Variants in ZNF536 observed in about 807,000 individuals in gnomAD.
ZNF536 encodes the protein zinc finger protein 536.
Under a neutral mutation model 84.5 loss-of-function variants are expected in ZNF536, and 13 were observed. The ratio of observed to expected loss-of-function variants is 0.15; its 90% CI spans 0.10 to 0.24. The LOEUF (loss-of-function observed/expected upper bound fraction) is 0.24. Ranked by LOEUF, ZNF536 falls within the 10% of genes least tolerant of loss-of-function variation. The probability of loss-of-function intolerance (pLI) is 1.00; values close to 1 mark genes in which losing one functional copy is unlikely to be tolerated. For synonymous variants in ZNF536, 811 were observed against 742.5 expected (o/e 1.09, Z -1.50); for missense variants, 1,536 against 1,747.5 (o/e 0.88, Z 2.16).
intron 2 of ZNF536, among the ~76,000 whole-genome samples, chr19:30,480,678 C>A (rs2054043344): frequency 6.6e-6 from 1 of 152,086 alleles, no homozygotes; most frequent in African/African-American, 2.4e-5. Flanking sequence ...AACAAACCTG[C>A]ACGTTCTGCA....
chr19:30,682,835 G>A (rs1013059056), intron 1 of ZNF536, among the ~76,000 whole-genome samples: 4 of 152,296 alleles, frequency 2.6e-5, no homozygotes, highest in African/African-American at 9.6e-5. Flanking sequence ...TCTCTTTTTG[G>A]CACCAGCACC....
chr19:30,320,557 G>A (rs1392208928), intron 2 of ZNF536, among the ~76,000 whole-genome samples: 2 of 152,152 alleles, frequency 1.3e-5, no homozygotes, highest in African/African-American at 2.4e-5. Context: ...ATGAGGAACT[G>A]GGGTGGAGCA....
chr19:30,501,749 G>A (rs2054957992), intron 2 of ZNF536, among the ~76,000 whole-genome samples: 1 of 152,208 alleles, frequency 6.6e-6, no homozygotes, highest in Non-Finnish European at 1.5e-5. Context: ...CCACACAATG[G>A]CAGGGCATGA....
At chr19:30,458,857 G>A (rs546885590) in intron 2 of ZNF536, among the ~76,000 whole-genome samples, 2 of 152,130 alleles carry the variant, frequency 1.3e-5, no homozygotes, top group African/African-American at 4.8e-5. Flanking sequence ...TTTCCCGTGG[G>A]CCCCCCTTCC....
At chr19:30,538,448 T>G (rs1201681755) in intron 3 of ZNF536, among the ~76,000 whole-genome samples, 1 of 152,212 alleles carries the variant, frequency 6.6e-6, no homozygotes, top group African/African-American at 2.4e-5. Flanking sequence ...CTCTCCTTTT[T>G]CTCCCCACTG....
At chr19:30,258,532 G>A (rs535516854) in intron 1 of ZNF536, among the ~76,000 whole-genome samples, 24 of 152,276 alleles carry the variant, frequency 1.6e-4, no homozygotes, top group African/African-American at 5.8e-4. Flanking sequence ...ACTGTGTTAT[G>A]GAAGAGTGCT....
chr19:30,699,466 A>G (rs2051802597), intron 1 of ZNF536, among the ~76,000 whole-genome samples: 1 of 152,176 alleles, frequency 6.6e-6, no homozygotes. Flanking sequence ...ATCACAGGAA[A>G]TTTGAAACCT....
rs2145933634 is a variant in ZNF536 at position 30,534,895 on chromosome 19, T to C, written c.2219T>C (p.Leu740Pro). ...GRSAGVQQPA[L>P]LRDRSLGSAM... ...TCTGCCGGCGTCCAGCAACCAGCGC[T>C]GCTTCGCGACAGAAGCCTGGGCTCG... Residue 740 changes from leucine to proline, a missense_variant, in exon 3 of 5, where the codon CTG becomes CCG. By Grantham distance (98) the Leu-to-Pro change is moderately conservative. Coordinates refer to ENST00000355537, the MANE Select transcript of ZNF536 (RefSeq NM_014717.3). 6.2e-7 allele frequency: 1 copy of C among 1,613,952 alleles called. No individual in the cohort carries two copies. Among genetic ancestry groups the C allele is most frequent in the Non-Finnish European group, 8.5e-7 (1 of 1,179,890 alleles).
Position 30,445,085 on chromosome 19 carries a change from C to G in ZNF536, c.1523C>G (p.Ala508Gly), listed in dbSNP as rs1223055764. ...TCCAGCTGCATCGAGCGGCTGCAGG[C>G]GGCTGCCAAGGCTGCGGAGATGGAC... ...LKSSCIERLQAAAKAAEMDPV... is the reference protein window; with the variant it reads ...LKSSCIERLQGAAKAAEMDPV... The change falls in exon 2 of 5, where the codon GCG becomes GGG. Residue 508 changes from alanine (A) to glycine (G), a missense_variant. Coordinates refer to ENST00000355537, the MANE Select transcript of ZNF536 (RefSeq NM_014717.3). This position sits in a 1 kb window ranked among gnomAD's most constrained non-coding sequence, Gnocchi z 4.5. 1.2e-6 allele frequency: 2 copies of G among 1,613,378 alleles called. No individual in the cohort carries two copies. Among genetic ancestry groups the G allele is most frequent in the Non-Finnish European group, 1.7e-6 (2 of 1,180,044 alleles).
chr19:30,355,189 T>C (rs960851267), intron 3 of ZNF536, among the ~76,000 whole-genome samples: 1 of 152,034 alleles, frequency 6.6e-6, no homozygotes, highest in Non-Finnish European at 1.5e-5. Context: ...TGATGCATCA[T>C]GGAGCTTTTA....
rs773860709 is a variant in ZNF536 at position 30,548,391 on chromosome 19, T to C, written c.2772T>C (p.Ser924=). 20 of 1,614,194 alleles carry C rather than the reference T, an allele frequency of 1.2e-5. No homozygotes were observed. Among genetic ancestry groups the C allele is most frequent in the Non-Finnish European group, 1.7e-5 (20 of 1,180,028 alleles). ...FQGSLQAFMD[S]FVLSSLKKEK... ...GGTCCTTGCAAGCTTTCATGGACAGTTTTGTCCTCAGTTCCTTGAAGAAGG... is the reference window on the plus strand; with the variant it reads ...GGTCCTTGCAAGCTTTCATGGACAGCTTTGTCCTCAGTTCCTTGAAGAAGG... The change falls in exon 4 of 5, where the codon AGT becomes AGC. Residue 924 remains serine (S), a synonymous_variant. Transcript: ENST00000355537.
chr19:30,355,504 T>C (rs541225967), intron 3 of ZNF536, among the ~76,000 whole-genome samples: 1 of 152,212 alleles, frequency 6.6e-6, no homozygotes, highest in South Asian at 2.1e-4. Flanking sequence ...CCCCGTGCCT[T>C]AGCCTCCCAA....
intron 3 of ZNF536, among the ~76,000 whole-genome samples, chr19:30,545,017 G>T (rs1264237202): frequency 1.3e-5 from 2 of 152,088 alleles, no homozygotes; most frequent in African/African-American, 4.8e-5. Flanking sequence ...CACTTCAAAG[G>T]CACTTCCAAG....
At chr19:30,285,961 G>A (rs964503321) in intron 2 of ZNF536, among the ~76,000 whole-genome samples, 1 of 152,210 alleles carries the variant, frequency 6.6e-6, no homozygotes, top group Non-Finnish European at 1.5e-5. Context: ...TCCTGTCAGA[G>A]TTCCAGAGTT....
At position 30,398,388 on chromosome 19, in the gene ZNF536, CT is replaced by C. The variant is rs34335848; in HGVS notation, c.-3+25844del. ...CCTTTGGCATTGGCTTTTTCTTTTT[CT>C]TTTTTTTTTTTAAATTATAGTTTAA... On this transcript the variant is annotated intron_variant, in intron 1 of 4. Transcript: ENST00000355537. 1.7e-3 allele frequency among the ~76,000 whole-genome samples: 243 copies of C among 146,996 alleles called. 1 individual carries two copies. Among genetic ancestry groups the C allele is most frequent in the Middle Eastern group, 3.5e-3 (1 of 286 alleles).
intron 1 of ZNF536, among the ~76,000 whole-genome samples, chr19:30,269,407 G>C (rs531921062): frequency 1.3e-5 from 2 of 152,136 alleles, no homozygotes; most frequent in Non-Finnish European, 2.9e-5. Flanking sequence ...GGAGAGTTAC[G>C]TACAGGCAGG....
chr19:30,490,442 G>A (rs1421938320), intron 2 of ZNF536, among the ~76,000 whole-genome samples: 2 of 152,180 alleles, frequency 1.3e-5, no homozygotes, highest in Non-Finnish European at 2.9e-5. Context: ...GAACACAGGG[G>A]TCTGAGGAGG....
At chr19:30,242,791 C>A (rs1403260546) in intron 1 of ZNF536, among the ~76,000 whole-genome samples, 1 of 152,182 alleles carries the variant, frequency 6.6e-6, no homozygotes, top group Non-Finnish European at 1.5e-5. Flanking sequence ...TCATGCCTGG[C>A]CTTCCGATTC....
rs191051249 is a variant in ZNF536, at chr19:30,339,506, G to A, written c.-119-12862G>A. ...AGTGAGCAAGAGTGGGACCATTGATGCCCTTGGTCTCAGGGTGTGGCACAC... is the reference window on the plus strand; with the variant it reads ...AGTGAGCAAGAGTGGGACCATTGATACCCTTGGTCTCAGGGTGTGGCACAC... On this transcript the variant is annotated intron_variant, in intron 2 of 5. Transcript: ENST00000585628. Among the ~76,000 whole-genome samples, 132 of 152,308 alleles carry A rather than the reference G, an allele frequency of 8.7e-4. 1 individual carries two copies. In the South Asian group the frequency reaches 0.017, roughly 20 times the overall value.
Sources: gnomAD v4.1 joint callset for allele counts (sites outside exome capture counted in the v4.1 genomes callset) on GRCh38, gnomAD v4.1.1 for gene constraint, Gnocchi (gnomAD v3.1) non-coding constraint, MANE v1.5 for transcripts, NCBI Gene and HGNC (gene_info 2026-07-23, HGNC 2026-07-21) for gene names.